The following FAM149A variants were observed in gnomAD, a reference collection of about 807,000 sequenced individuals.
The protein encoded by FAM149A is family with sequence similarity 149 member A, also known as protein FAM149A.
A neutral mutation model predicts 78.2 loss-of-function variants in FAM149A; 71 were observed. The ratio of observed to expected loss-of-function variants is 0.91; its 90% confidence interval spans 0.75 to 1.11. FAM149A has a LOEUF of 1.11. Ranked by LOEUF, FAM149A falls within the 50% of genes least tolerant of loss-of-function variation. FAM149A has a pLI of 0.00. For missense variants in FAM149A, 1,036 were observed against 971.0 expected (o/e 1.07, Z -0.89); for synonymous variants, 446 against 410.5 (o/e 1.09, Z -1.04).
At chr4:186,166,494 C>CA (rs1022421464) in intron 11 of FAM149A, among the ~76,000 whole-genome samples, 1 of 151,820 alleles carries the variant, frequency 6.6e-6, no homozygotes, top group African/African-American at 2.4e-5. Flanking sequence ...ACTAAAAATA[C>CA]AAAAAAATTA....
chr4:186,118,957 A>G (rs1254916430), intron 1 of FAM149A, among the ~76,000 whole-genome samples: 1 of 152,212 alleles, frequency 6.6e-6, no homozygotes, highest in Non-Finnish European at 1.5e-5. Context: ...TTCTCTCAAA[A>G]TAAACCTTTG....
At chr4:186,116,832 C>T in intron 1 of FAM149A, 1 of 900,460 alleles carries the variant, frequency 1.1e-6, no homozygotes, top group Non-Finnish European at 1.3e-6. Flanking sequence ...AAGTTCTTAT[C>T]CAACAAGCAT....
At chr4:186,135,817 A>G (rs1266009531) in intron 1 of FAM149A, among the ~76,000 whole-genome samples, 1 of 152,208 alleles carries the variant, frequency 6.6e-6, no homozygotes, top group Non-Finnish European at 1.5e-5. Flanking sequence ...ATAGACCCAC[A>G]AAAGTGCACA....
rs1735574643 is a variant in FAM149A, at chr4:186,171,946, A to T, written c.2251A>T (p.Thr751Ser). The T allele has an allele frequency of 6.2e-7, 1 of 1,612,352 alleles. No homozygotes were observed. Among genetic ancestry groups the T allele is most frequent in the Admixed American group, 1.7e-5 (1 of 59,708 alleles). Residue 751 changes from threonine to serine, a missense_variant, in exon 14 of 14, where the codon ACA (threonine) becomes TCA (serine). Physicochemically the swap from Thr to Ser is moderately conservative, Grantham distance 58. Transcript: ENST00000389354. The stretch of plus-strand genomic sequence containing the variant: ...ATATGTGCCTAAATCTTTTCAGAGG[A>T]CAACTTTGACTTTCAAGAGGAGATT...
Position 186,157,476 on chromosome 4 carries a change from C to A in FAM149A, c.1421-89C>A, listed in dbSNP as rs986375420. On this transcript the variant is annotated intron_variant, in intron 7 of 13. Coordinates refer to ENST00000389354, the MANE Select transcript of FAM149A (RefSeq NM_001367768.3). The stretch of plus-strand genomic sequence containing the variant: ...TAGCATGGGCTCGTGGTAGCTCAAG[C>A]ACACATATTCTCTTTCAAGAGTGAA... 6.6e-5 allele frequency: 89 copies of A among 1,351,946 alleles called. 1 individual carries two copies. Among genetic ancestry groups the A allele is most frequent in the Non-Finnish European group, 8.9e-5 (86 of 969,090 alleles). The allele number at this position is 1,351,946 out of a possible 1,614,324, so 83.7% of individuals were successfully genotyped here. A position where few individuals can be genotyped will look rare whatever the true frequency, so the allele number is the denominator to read the frequency against.
Position 186,105,407 on chromosome 4 carries a change from C to A in FAM149A, c.331C>A (p.Pro111Thr). ...AGCGGGTAAAGCCCCGCCCCAGCCC[C>A]CCACTCCCTCCGGCGGGGGCTGCTC... is the stretch of plus-strand genomic sequence containing the variant. Residue 111 changes from proline to threonine, a missense_variant, in exon 1 of 14, where the codon CCC (proline) becomes ACC (threonine). Around this residue, in one of 3 missense-constraint regions of FAM149A, gnomAD observed 316 missense variants for 241.9 expected, o/e 1.31. Transcript: ENST00000389354. 8.4e-7 allele frequency: 1 copy of A among 1,186,136 alleles called. No homozygotes were observed. The highest frequency in any genetic ancestry group is 3.8e-5 in the Admixed American group (1 of 26,242). 73.5% of individuals were successfully genotyped at this position (1,186,136 alleles called of 1,614,324 possible).
intron 13 of FAM149A, chr4:186,170,028 G>A (rs1263062772): frequency 1.3e-6 from 1 of 776,838 alleles, no homozygotes; most frequent in African/African-American, 1.9e-5. Flanking sequence ...TGGGGAGTGG[G>A]AAGGGTATGT....
rs1179859638 is a variant in FAM149A at position 186,144,729 on chromosome 4, C to CGGGGCG, written c.567-4439_567-4438insGGGGGC. The CGGGGCG allele has an allele frequency of 1.4e-6, 1 of 725,240 alleles. No homozygotes were observed. Among genetic ancestry groups the CGGGGCG allele is most frequent in the Non-Finnish European group, 1.6e-6 (1 of 639,972 alleles). 44.9% of individuals were successfully genotyped at this position (725,240 alleles called of 1,614,324 possible). A position where few individuals can be genotyped will look rare whatever the true frequency, so the allele number is the denominator to read the frequency against. On this transcript the variant is annotated intron_variant, in intron 1 of 13. Transcript: ENST00000389354. The surrounding 1 kb of genome is among the most constrained non-coding windows in gnomAD (Gnocchi z 4.2). ...GCTTTCCCGGAGGTCGGCGCGGGGC[C>CGGGGCG]GGGGCCGGGGCCGGGGCCCGGAGCG...
chr4:186,154,536 A>G lies in FAM149A; in HGVS notation c.1127A>G (p.Asp376Gly). The change falls in exon 6 of 14, where the codon GAC becomes GGC. Residue 376 changes from aspartate to glycine, a missense_variant. This residue lies in a region of FAM149A where 716 missense variants were observed against 711.8 expected (regional missense o/e 1.01). Transcript: ENST00000389354. ...GCCTCTGCCCTGCCAGGCCCTGATG[A>G]CACAGGGGTTGCTGACCTAACGGCA... is the stretch of plus-strand genomic sequence containing the variant. The G allele has an allele frequency of 6.2e-7, 1 of 1,614,012 alleles. No individual in the cohort carries two copies. Among genetic ancestry groups the G allele is most frequent in the Non-Finnish European group, 8.5e-7 (1 of 1,179,880 alleles).
intron 1 of FAM149A, among the ~76,000 whole-genome samples, chr4:186,137,143 C>G (rs1413275129): frequency 6.6e-6 from 1 of 152,046 alleles, no homozygotes; most frequent in Non-Finnish European, 1.5e-5. Flanking sequence ...CAGAAATCAG[C>G]AAATTGGATT....
chr4:186,110,729 AT>A (rs1561382978), intron 1 of FAM149A, among the ~76,000 whole-genome samples: 2 of 141,274 alleles, frequency 1.4e-5, no homozygotes, highest in Non-Finnish European at 1.5e-5. Context: ...TGAACTCATC[AT>A]TTTTTATGGC....
chr4:186,116,849 T>A, intron 1 of FAM149A: 2 of 739,584 alleles, frequency 2.7e-6, no homozygotes, highest in Non-Finnish European at 3.3e-6. Context: ...GCATGGCCCT[T>A]GTGCCAAGCT....
At chr4:186,154,217 C>G (rs1733844461) in intron 5 of FAM149A, among the ~76,000 whole-genome samples, 1 of 152,168 alleles carries the variant, frequency 6.6e-6, no homozygotes, top group African/African-American at 2.4e-5. Flanking sequence ...CAATGCAGTC[C>G]TTTCACTGCA....
intron 1 of FAM149A, among the ~76,000 whole-genome samples, chr4:186,142,513 T>C (rs1006097746): frequency 2.2e-4 from 33 of 152,202 alleles, no homozygotes; most frequent in Non-Finnish European, 4.9e-4. Flanking sequence ...ATTTTCCATC[T>C]CTTTCATTCT....
intron 8 of FAM149A, chr4:186,158,921 CAAT>C: frequency 2.1e-6 from 1 of 478,478 alleles, no homozygotes. Flanking sequence ...CTATTTAAAA[CAAT>C]GATATTCGGG....
chr4:186,145,121 C>T (rs974125072), intron 1 of FAM149A: 2 of 985,506 alleles, frequency 2.0e-6, no homozygotes, highest in African/African-American at 1.7e-5. Context: ...GGGTGAGTCT[C>T]ATCCGGCAGC....
intron 8 of FAM149A, among the ~76,000 whole-genome samples, chr4:186,161,671 GT>G (rs1273361996): frequency 1.3e-5 from 2 of 152,010 alleles, no homozygotes; most frequent in South Asian, 2.1e-4. Context: ...TAGCTGTTTT[GT>G]TTTTATAATT....
In FAM149A at chr4:186,154,610, G is replaced by C; in HGVS notation, c.1201G>C (p.Glu401Gln). The change falls in exon 6 of 14, where the codon GAG (glutamate) becomes CAG (glutamine). Residue 401 changes from glutamate to glutamine, a missense_variant. Physicochemically the swap from Glu to Gln is conservative, Grantham distance 29. Around this residue, in one of 3 missense-constraint regions of FAM149A, gnomAD observed 716 missense variants for 711.8 expected, o/e 1.01. Coordinates refer to ENST00000389354, the MANE Select transcript of FAM149A (RefSeq NM_001367768.3). ...TTACCATGTGGATGGAAAGATTGAGGAGTATTTCGCTTTTGACAGAAAAGA... is the reference window on the plus strand; with the variant it reads ...TTACCATGTGGATGGAAAGATTGAGCAGTATTTCGCTTTTGACAGAAAAGA... 6.2e-7 allele frequency: 1 copy of C among 1,614,056 alleles called. No homozygotes were observed. The highest frequency in any genetic ancestry group is 8.5e-7 in the Non-Finnish European group (1 of 1,179,986).
chr4:186,131,937 C>A (rs1004067363), intron 1 of FAM149A: 1 of 985,278 alleles, frequency 1.0e-6, no homozygotes, highest in African/African-American at 1.7e-5. Context: ...GCCAGCTAGC[C>A]CTTTAACTGT....
Sources: gnomAD v4.1 joint callset for allele counts (sites outside exome capture counted in the v4.1 genomes callset) on GRCh38, gnomAD v4.1.1 for gene constraint, gnomAD v4.1.1 regional missense constraint, Gnocchi (gnomAD v3.1) non-coding constraint, MANE v1.5 for transcripts, NCBI Gene and HGNC (gene_info 2026-07-23, HGNC 2026-07-21) for gene names.